CSMD1: variants seen among roughly 807,000 people sequenced by gnomAD.
The protein encoded by CSMD1 is CUB and Sushi multiple domains 1, also known as CUB and sushi domain-containing protein 1.
In CSMD1, 213 loss-of-function variants were observed where a neutral mutation model predicts 417.5. The observed-to-expected ratio is 0.51, with a 90% CI of 0.46 to 0.57. CSMD1 has a LOEUF of 0.57. Ranked by LOEUF, CSMD1 falls within the 20% of genes least tolerant of loss-of-function variation. CSMD1 has a pLI of 0.00. For synonymous variants in CSMD1, 2,862 were observed against 1,736.8 expected, an observed-to-expected ratio of 1.65 and a Z score of -16.11; for missense variants, 6,923 against 4,529.7, an observed-to-expected ratio of 1.53 and a Z score of -15.17.
chr8:4,938,570 T>C (rs534617860), intron 1 of CSMD1, among the ~76,000 whole-genome samples: 8 of 152,226 alleles, frequency 5.3e-5, no homozygotes, highest in Admixed American at 4.6e-4. Context: ...CCTCACACAG[T>C]TGTCAGTCTT....
intron 1 of CSMD1, among the ~76,000 whole-genome samples, chr8:4,854,522 G>C (rs1412329404): frequency 6.6e-6 from 1 of 152,214 alleles, no homozygotes; most frequent in African/African-American, 2.4e-5. Flanking sequence ...TCACTAGGGA[G>C]TGCCAGACAG....
intron 2 of CSMD1, among the ~76,000 whole-genome samples, chr8:4,565,649 C>T (rs1005089685): frequency 5.3e-5 from 8 of 150,872 alleles, no homozygotes; most frequent in South Asian, 2.1e-4. Context: ...GCAGGAGAAC[C>T]GTTTGAACCA....
At chr8:4,809,099 G>A (rs936622007) in intron 1 of CSMD1, among the ~76,000 whole-genome samples, 10 of 152,156 alleles carry the variant, frequency 6.6e-5, no homozygotes, top group African/African-American at 2.2e-4. Context: ...GAATGAAACA[G>A]ATGGACCTTA....
At chr8:4,438,875 G>C (rs1011178714) in intron 2 of CSMD1, among the ~76,000 whole-genome samples, 1 of 152,198 alleles carries the variant, frequency 6.6e-6, no homozygotes, top group Admixed American at 6.5e-5. Flanking sequence ...TCCCTTGAAA[G>C]CATTAGATTA....
chr8:3,963,549 C>G (rs566678861), intron 5 of CSMD1, among the ~76,000 whole-genome samples: 39 of 151,948 alleles, frequency 2.6e-4, no homozygotes, highest in African/African-American at 8.9e-4. Context: ...ACATAAAATT[C>G]GTATTTCAAT....
intron 3 of CSMD1, among the ~76,000 whole-genome samples, chr8:4,266,181 C>T (rs1453225758): frequency 9.6e-6 from 1 of 104,604 alleles, no homozygotes; most frequent in East Asian, 2.6e-4. Context: ...CAGTGTTATT[C>T]ACCAAGTTGG....
chr8:3,951,128 A>G (rs965441892), intron 5 of CSMD1, among the ~76,000 whole-genome samples: 2 of 152,194 alleles, frequency 1.3e-5, no homozygotes, highest in African/African-American at 2.4e-5. Flanking sequence ...TAGGCAGGAG[A>G]TGTCTCAAAG....
At position 4,752,380 on chromosome 8, in the gene CSMD1, A is replaced by G. The variant is rs569503321; in HGVS notation, c.86-114822T>C. Among the ~76,000 whole-genome samples, 619 of 152,324 alleles carry G rather than the reference A, an allele frequency of 4.1e-3. 7 individuals are homozygous for G. The highest frequency in any genetic ancestry group is 0.017 in the Middle Eastern group (5 of 294). ...TTCTCTTGAACAATAGATGAAACAAAAGCTCTGAATTTCTGTAAGGTCATA... is the reference window on the plus strand; with the variant it reads ...TTCTCTTGAACAATAGATGAAACAAGAGCTCTGAATTTCTGTAAGGTCATA... On this transcript the variant is annotated intron_variant, in intron 1 of 69. Transcript: ENST00000635120.
intron 3 of CSMD1, among the ~76,000 whole-genome samples, chr8:4,326,192 T>G (rs1799554310): frequency 6.6e-6 from 1 of 152,156 alleles, no homozygotes; most frequent in Non-Finnish European, 1.5e-5. Context: ...TCCCTGGGGA[T>G]GCCAATGCTG....
At chr8:3,330,637 C>G (rs947239302) in intron 23 of CSMD1, among the ~76,000 whole-genome samples, 2 of 152,140 alleles carry the variant, frequency 1.3e-5, no homozygotes, top group Non-Finnish European at 2.9e-5. Flanking sequence ...GCAAACATAA[C>G]TAATGGGTAC....
chr8:3,990,917 C>T (rs1163294645), intron 5 of CSMD1, among the ~76,000 whole-genome samples: 1 of 152,166 alleles, frequency 6.6e-6, no homozygotes, highest in Non-Finnish European at 1.5e-5. Flanking sequence ...AAGACCCTTC[C>T]TTCACTGCCT....
At chr8:4,084,872 C>CAA (rs1485346547) in intron 3 of CSMD1, among the ~76,000 whole-genome samples, 2 of 151,350 alleles carry the variant, frequency 1.3e-5, no homozygotes, top group African/African-American at 2.4e-5. Context: ...TGGTCTAATG[C>CAA]AAATACATAC....
intron 1 of CSMD1, among the ~76,000 whole-genome samples, chr8:4,663,188 C>G (rs753418033): frequency 2.0e-4 from 31 of 152,152 alleles, no homozygotes; most frequent in Admixed American, 1.3e-3. Context: ...AGTGCTGGTT[C>G]TCTTGGCAAG....
At chr8:4,142,473 T>C (rs1350837592) in intron 3 of CSMD1, among the ~76,000 whole-genome samples, 1 of 151,308 alleles carries the variant, frequency 6.6e-6, no homozygotes, top group Non-Finnish European at 1.5e-5. Flanking sequence ...ATCTACCTTG[T>C]TATTTGCTAA....
chr8:3,497,151 G>A (rs181512523), intron 10 of CSMD1, among the ~76,000 whole-genome samples: 87 of 152,252 alleles, frequency 5.7e-4, no homozygotes, highest in Middle Eastern at 3.4e-3. Context: ...GTAAATGTCC[G>A]TTAGGTCCAT....
intron 3 of CSMD1, among the ~76,000 whole-genome samples, chr8:4,327,680 G>T (rs1799637879): frequency 6.6e-6 from 1 of 152,166 alleles, no homozygotes; most frequent in Non-Finnish European, 1.5e-5. Flanking sequence ...TTTCTAGAAT[G>T]TATTTTGTTT....
chr8:4,048,805 G>A (rs1246093268), intron 3 of CSMD1, among the ~76,000 whole-genome samples: 1 of 152,158 alleles, frequency 6.6e-6, no homozygotes, highest in Non-Finnish European at 1.5e-5. Context: ...AGTATATGTA[G>A]TCACAAGCTT....
At chr8:3,470,188 T>C (rs967287921) in intron 11 of CSMD1, among the ~76,000 whole-genome samples, 2 of 152,224 alleles carry the variant, frequency 1.3e-5, no homozygotes, top group Admixed American at 1.3e-4. Context: ...AGTTTTTTTG[T>C]AAATGAAATC....
Position 3,745,537 on chromosome 8 carries a change from T to C in CSMD1, c.931+8393A>G, listed in dbSNP as rs115812768. On this transcript the variant is annotated intron_variant, in intron 6 of 69. Coordinates refer to ENST00000635120, the MANE Select transcript of CSMD1 (RefSeq NM_033225.6). ...TCGCCCAGGATCTAATCATCACAAT[T>C]TTCAGTGGTTGCCACATTCATCTTT... is the stretch of plus-strand genomic sequence containing the variant. Among the ~76,000 whole-genome samples the C allele has an allele frequency of 6.7e-3, 1,022 of 152,278 alleles. 12 individuals are homozygous for C. Among genetic ancestry groups the C allele is most frequent in the Middle Eastern group, 0.034 (10 of 294 alleles).
Sources: gnomAD v4.1 joint callset for allele counts (sites outside exome capture counted in the v4.1 genomes callset) on GRCh38, gnomAD v4.1.1 for gene constraint, MANE v1.5 for transcripts, NCBI Gene and HGNC (gene_info 2026-07-23, HGNC 2026-07-21) for gene names.